Variants in CDK11A observed in about 807,000 individuals in gnomAD.
The protein encoded by CDK11A is cyclin dependent kinase 11A, also known as cyclin-dependent kinase 11A.
In CDK11A, 55 loss-of-function variants were observed where a neutral mutation model predicts 83.6. The observed-to-expected ratio is 0.66, with a 90% CI of 0.53 to 0.82. The LOEUF (loss-of-function observed/expected upper bound fraction) is 0.82, where lower values mean the gene tolerates loss of function less well. CDK11A is among the 40% of genes least tolerant of loss of function. The pLI is 0.00. For missense variants in CDK11A, 564 were observed against 810.1 expected, an observed-to-expected ratio of 0.70 and a Z score of 3.69; for synonymous variants, 247 against 302.7, an observed-to-expected ratio of 0.82 and a Z score of 1.91.
At chr1:1,706,060 T>C (rs200592058) in intron 11 of CDK11A, among the ~76,000 whole-genome samples, 6 of 126,798 alleles carry the variant, frequency 4.7e-5, no homozygotes, top group Admixed American at 1.6e-4. Context: ...CTGGCCAACA[T>C]AGCAACACTC....
At chr1:1,720,111 G>A (rs1473917525) in intron 3 of CDK11A, among the ~76,000 whole-genome samples, 1 of 150,102 alleles carries the variant, frequency 6.7e-6, no homozygotes, top group Non-Finnish European at 1.5e-5. Flanking sequence ...TATTTTATTT[G>A]AGATTGGAGT....
intron 17 of CDK11A, 39 bp downstream of exon 17, chr1:1,703,785 C>A: frequency 3.7e-6 from 6 of 1,605,996 alleles, no homozygotes; most frequent in Non-Finnish European, 5.1e-6. Flanking sequence ...TGCAACTCCT[C>A]TGAAATCCAT....
At chr1:1,715,612 GC>G (rs1271613693) in intron 5 of CDK11A, among the ~76,000 whole-genome samples, 1 of 149,808 alleles carries the variant, frequency 6.7e-6, no homozygotes, top group Non-Finnish European at 1.5e-5. Flanking sequence ...AAGAACCAGC[GC>G]CCTCTCATCA....
rs565889700 is a variant in CDK11A, at chr1:1,713,599, G to C, written c.489-1199C>G. On this transcript the variant is annotated intron_variant, in intron 5 of 19. Transcript: ENST00000404249. ...AAGTCCAGTACAATATAAAACTGTTGTAACACAGCTTCATTCCCTGTCTTC... is the reference window on the plus strand; with the variant it reads ...AAGTCCAGTACAATATAAAACTGTTCTAACACAGCTTCATTCCCTGTCTTC... Among the ~76,000 whole-genome samples, 167 of 68,418 alleles carry C rather than the reference G, an allele frequency of 2.4e-3. 11 individuals carry two copies. The highest frequency in any genetic ancestry group is 5.3e-3 in the African/African-American group (157 of 29,380). The allele number at this position is 68,418 out of a possible 152,430, so 44.9% of individuals were successfully genotyped here.
chr1:1,721,609 A>G lies in CDK11A; in HGVS notation c.214T>C (p.Ser72Pro), dbSNP rs1164804426. The G allele has an allele frequency of 6.8e-6, 11 of 1,606,982 alleles. No individual in the cohort carries two copies. Among genetic ancestry groups the G allele is most frequent in the African/African-American group, 1.3e-5 (1 of 74,516 alleles). Residue 72 changes from serine (S) to proline (P), a missense_variant, in exon 3 of 20, where the codon TCA (serine) becomes CCA (proline). Coordinates refer to ENST00000404249, the MANE Select transcript of CDK11A (RefSeq NM_024011.4). The part of the protein sequence containing the change: ...IRNSPYRRED[S>P]MEDRGEEDDS... ...ACATCCGCTCACCTGTCTTCCATTG[A>G]GTCTTCTCTTCTATACGGGGAGTTC...
intron 13 of CDK11A, 55 bp from the exon 14 acceptor site, chr1:1,704,710 G>A (rs1250744626): frequency 4.4e-6 from 7 of 1,596,868 alleles, no homozygotes; most frequent in Admixed American, 1.7e-5. Flanking sequence ...ACCCACCCCT[G>A]CACCCGGGCG....
Position 1,724,342 on chromosome 1 carries a change from C to T in CDK11A, c.-98G>A, listed in dbSNP as rs2101394217. The T allele has an allele frequency of 1.3e-5, 2 of 151,722 alleles. 1 individual carries two copies. Among genetic ancestry groups the T allele is most frequent in the East Asian group, 3.9e-4 (2 of 5,156 alleles). 9.4% of individuals were successfully genotyped at this position (151,722 alleles called of 1,614,324 possible). ...GAAGTATCCTCACTTCCTGTGTTGA[C>T]GCCTAATGATGATATAATAGCCGAC... On this transcript the variant is annotated 5_prime_UTR_variant, in exon 1 of 20. Transcript: ENST00000404249.
intron 4 of CDK11A, among the ~76,000 whole-genome samples, chr1:1,716,712 G>C (rs1458141339): frequency 6.7e-6 from 1 of 148,852 alleles, no homozygotes; most frequent in East Asian, 2.0e-4. Context: ...TACTAAGGGA[G>C]GCTGAGGCTG....
chr1:1,714,749 C>T (rs1414146394), intron 5 of CDK11A, among the ~76,000 whole-genome samples: 12 of 137,236 alleles, frequency 8.7e-5, no homozygotes, highest in Non-Finnish European at 4.8e-5. Context: ...GCACACTGAA[C>T]GTTCAGGCGT....
rs771964432 is a variant in CDK11A at position 1,720,034 on chromosome 1, GAC to G, written c.228-581_228-580del. ...GCAGGTTCATTAGCTTGACTGTGGT[GAC>G]AGTTTCAGGGGCATGTAAAAATACA... On this transcript the variant is annotated intron_variant, in intron 3 of 19. Coordinates refer to ENST00000404249, the MANE Select transcript of CDK11A (RefSeq NM_024011.4). 3.4e-4 allele frequency among the ~76,000 whole-genome samples: 51 copies of G among 151,068 alleles called. 3 individuals carry two copies. In the East Asian group the frequency reaches 8.7e-3, roughly 26 times the overall value.
intron 2 of CDK11A, 51 bp from the exon 3 acceptor site, chr1:1,721,762 T>C: frequency 6.8e-7 from 1 of 1,463,042 alleles, no homozygotes; most frequent in Non-Finnish European, 9.3e-7. Context: ...TTTTTTTTCT[T>C]CATAGATAAA....
intron 4 of CDK11A, among the ~76,000 whole-genome samples, chr1:1,716,934 T>TGAAGAGACAGGG (rs1557795366): frequency 6.8e-6 from 1 of 147,120 alleles, no homozygotes. Context: ...TTTTTTTTTT[T>TGAAGAGACAGGG]TTGAAGAGAC....
rs773366177 is a variant in CDK11A, at chr1:1,704,577, C to T, written c.1537G>A (p.Glu513Lys). 8.1e-6 allele frequency: 13 copies of T among 1,604,408 alleles called. No individual in the cohort carries two copies. Among genetic ancestry groups the T allele is most frequent in the Middle Eastern group, 1.7e-4 (1 of 6,040 alleles). ...GGCAGGAAGGGCTGTTTCATGGTCT[C>T]CATCAGGCTCTTGAGGTCGTGCTCC... Reference protein sequence around the residue: ...YVEHDLKSLMETMKQPFLPGE... With the variant: ...YVEHDLKSLMKTMKQPFLPGE... Residue 513 changes from glutamate to lysine, a missense_variant, in exon 14 of 20, where the codon GAG becomes AAG. Glu to Lys is a moderately conservative substitution (Grantham distance 56). Around this residue, in one of 5 missense-constraint regions of CDK11A, gnomAD observed 361 missense variants for 402.7 expected, o/e 0.90. Coordinates refer to ENST00000404249, the MANE Select transcript of CDK11A (RefSeq NM_024011.4).
Position 1,702,983 on chromosome 1 carries a change from T to G in CDK11A, c.2267A>C (p.Lys756Thr). ...GYSQLGDDDL[K>T]ETGFHLTTTN... ...GGTGGTAAGGTGGAAGCCCGTCTCC[T>G]TCAGGTCGTCGTCACCCTGGGACGA... Residue 756 changes from lysine (K) to threonine (T), a missense_variant, in exon 20 of 20, where the codon AAG becomes ACG. Physicochemically the swap from Lys to Thr is moderately conservative, Grantham distance 78. Transcript: ENST00000404249. The G allele has an allele frequency of 2.2e-6, 1 of 462,914 alleles. No homozygotes were observed. The highest frequency in any genetic ancestry group is 3.8e-6 in the Non-Finnish European group (1 of 265,906). 28.7% of individuals were successfully genotyped at this position (462,914 alleles called of 1,614,324 possible). A position where few individuals can be genotyped will look rare whatever the true frequency, so the allele number is the denominator to read the frequency against.
intron 11 of CDK11A, among the ~76,000 whole-genome samples, chr1:1,706,283 G>A (rs61776844): frequency 6.6e-6 from 1 of 150,936 alleles, no homozygotes; most frequent in Non-Finnish European, 1.5e-5. Context: ...ATATTGGCCA[G>A]GCTGGTCTCG....
At chr1:1,704,852 C>G (rs1557781018) in intron 13 of CDK11A, 52 bp downstream of exon 13, 4 of 1,607,708 alleles carry the variant, frequency 2.5e-6, no homozygotes, top group Non-Finnish European at 3.4e-6. Context: ...AGCACGGGGC[C>G]CTGTCGGAAA....
chr1:1,703,932 G>A lies in CDK11A; in HGVS notation c.1803C>T (p.Ser601=). Residue 601 remains serine, a synonymous_variant, in exon 17 of 20, where the codon TCC becomes TCT. Coordinates refer to ENST00000404249, the MANE Select transcript of CDK11A (RefSeq NM_024011.4). ...PELLLGAKEY[S]TAVDMWSVGC... ...CCACTGACCACATGTCCACGGCCGTGGAGTATTCCTAAGACGCCAGGAGAG... is the reference window on the plus strand; with the variant it reads ...CCACTGACCACATGTCCACGGCCGTAGAGTATTCCTAAGACGCCAGGAGAG... 6.2e-7 allele frequency: 1 copy of A among 1,609,602 alleles called. No individual in the cohort carries two copies. The highest frequency in any genetic ancestry group is 8.5e-7 in the Non-Finnish European group (1 of 1,176,912).
chr1:1,714,861 C>G lies in CDK11A; in HGVS notation c.488+1485G>C, dbSNP rs1362677260. ...GGTGGCGGCTCGAGCTCTCTCCAGT[C>G]TCTGCTGCACGTCTTTGGCGGGATC... On this transcript the variant is annotated intron_variant, in intron 5 of 19. Transcript: ENST00000404249. Among the ~76,000 whole-genome samples the G allele has an allele frequency of 2.0e-5, 3 of 147,564 alleles. No homozygotes were observed. The Admixed American group carries it at 2.1e-4, about 10-fold the overall frequency.
At chr1:1,721,501 T>C in intron 3 of CDK11A, 95 bp downstream of exon 3, 1 of 1,407,946 alleles carries the variant, frequency 7.1e-7, no homozygotes, top group Non-Finnish European at 9.8e-7. Context: ...CCTTAATAGT[T>C]ACAATAGCAC....
Sources: gnomAD v4.1 joint callset for allele counts (sites outside exome capture counted in the v4.1 genomes callset) on GRCh38, gnomAD v4.1.1 for gene constraint, gnomAD v4.1.1 regional missense constraint, MANE v1.5 for transcripts, NCBI Gene and HGNC (gene_info 2026-07-23, HGNC 2026-07-21) for gene names.